Variants in AGBL4 observed in about 807,000 individuals in gnomAD.
AGBL4 encodes cytosolic carboxypeptidase 6.
Under a neutral mutation model 66.4 loss-of-function variants are expected in AGBL4, and 58 were observed. That is an observed-to-expected ratio of 0.87 (90% confidence interval 0.71 to 1.09). The LOEUF is 1.09. Among genes scored for constraint, AGBL4 ranks in the 50% least tolerant of loss-of-function variants. The pLI is 0.00. For synonymous variants in AGBL4, 234 were observed against 222.9 expected (o/e 1.05, Z -0.44); for missense variants, 579 against 631.0 (o/e 0.92, Z 0.88).
intron 3 of AGBL4, among the ~76,000 whole-genome samples, chr1:49,256,681 A>C (rs925671531): frequency 2.6e-5 from 4 of 152,216 alleles, no homozygotes; most frequent in African/African-American, 7.2e-5. Context: ...GAACGTTTAT[A>C]TAGGAGTGCA....
intron 6 of AGBL4, among the ~76,000 whole-genome samples, chr1:48,769,452 G>A (rs182165450): frequency 1.3e-5 from 2 of 149,580 alleles, no homozygotes; most frequent in Non-Finnish European, 3.0e-5. Context: ...GGATAGGGTC[G>A]CAGAGGAACA....
chr1:49,602,494 A>G (rs1644979022), intron 3 of AGBL4, among the ~76,000 whole-genome samples: 1 of 152,192 alleles, frequency 6.6e-6, no homozygotes, highest in Non-Finnish European at 1.5e-5. Context: ...CATATATACC[A>G]TGGAATACTA....
intron 2 of AGBL4, among the ~76,000 whole-genome samples, chr1:49,825,911 C>T (rs965233035): frequency 1.8e-4 from 28 of 151,846 alleles, no homozygotes; most frequent in African/African-American, 6.8e-4. Context: ...CCCTGACAAA[C>T]ATACTAAAGA....
intron 3 of AGBL4, among the ~76,000 whole-genome samples, chr1:49,537,558 C>T (rs1030217512): frequency 1.3e-5 from 2 of 152,286 alleles, no homozygotes; most frequent in South Asian, 4.1e-4. Flanking sequence ...AAATGTTCAA[C>T]ATCACTAATC....
At chr1:49,146,257 T>C (rs975464468) in intron 4 of AGBL4, among the ~76,000 whole-genome samples, 1 of 152,156 alleles carries the variant, frequency 6.6e-6, no homozygotes, top group African/African-American at 2.4e-5. Context: ...AGATTATAAC[T>C]GTATTGTTTG....
intron 3 of AGBL4, among the ~76,000 whole-genome samples, chr1:49,263,621 C>A (rs182504181): frequency 6.6e-6 from 1 of 151,992 alleles, no homozygotes; most frequent in African/African-American, 2.4e-5. Flanking sequence ...AAAAGTAAAT[C>A]TAATATCAAG....
At chr1:49,579,794 C>A (rs1644507016) in intron 3 of AGBL4, among the ~76,000 whole-genome samples, 1 of 152,182 alleles carries the variant, frequency 6.6e-6, no homozygotes, top group Admixed American at 6.5e-5. Flanking sequence ...CCACTGCACC[C>A]AGCCTAGAAT....
rs190834143 is a variant in AGBL4, at chr1:48,904,028, C to A, written c.595-36798G>T. The stretch of plus-strand genomic sequence containing the variant: ...GCATGGTGGCTCACAGCTGCAATCC[C>A]AGCACTTTGGGAGGCTAACGTGGGT... On this transcript the variant is annotated intron_variant, in intron 5 of 13. Transcript: ENST00000371839. Among the ~76,000 whole-genome samples the A allele has an allele frequency of 1.7e-3, 254 of 152,272 alleles. 1 individual carries two copies. Among genetic ancestry groups the A allele is most frequent in the African/African-American group, 5.7e-3 (238 of 41,562 alleles).
intron 3 of AGBL4, among the ~76,000 whole-genome samples, chr1:49,638,284 A>G (rs1206144664): frequency 1.3e-5 from 2 of 152,212 alleles, no homozygotes; most frequent in Non-Finnish European, 2.9e-5. Flanking sequence ...TATATATTTC[A>G]TAATATGTAG....
intron 3 of AGBL4, among the ~76,000 whole-genome samples, chr1:49,635,667 A>G (rs981497968): frequency 1.3e-5 from 2 of 152,184 alleles, no homozygotes; most frequent in Admixed American, 1.3e-4. Context: ...TCATTAGGAA[A>G]ATGCTACATA....
chr1:49,915,521 G>T (rs969510998), intron 1 of AGBL4, among the ~76,000 whole-genome samples: 3 of 152,172 alleles, frequency 2.0e-5, no homozygotes, highest in Non-Finnish European at 4.4e-5. Context: ...CTGCAAGGGG[G>T]CAGTGAGGCT....
chr1:49,843,899 G>A (rs1646068089), intron 2 of AGBL4, among the ~76,000 whole-genome samples: 1 of 152,158 alleles, frequency 6.6e-6, no homozygotes, highest in Non-Finnish European at 1.5e-5. Flanking sequence ...AGATGGCTGG[G>A]TAGCAGGGCA....
intron 5 of AGBL4, among the ~76,000 whole-genome samples, chr1:48,944,933 A>G (rs923272727): frequency 1.3e-5 from 2 of 152,202 alleles, no homozygotes; most frequent in African/African-American, 4.8e-5. Flanking sequence ...AAGAGGGAAG[A>G]TCTCTGATTA....
intron 1 of AGBL4, among the ~76,000 whole-genome samples, chr1:50,013,795 G>C (rs1013723749): frequency 2.0e-5 from 3 of 152,112 alleles, no homozygotes; most frequent in African/African-American, 7.2e-5. Context: ...GACTGGAGAA[G>C]ATCTTTAAAC....
At chr1:49,352,949 C>A (rs1405599347) in intron 3 of AGBL4, among the ~76,000 whole-genome samples, 7 of 152,160 alleles carry the variant, frequency 4.6e-5, no homozygotes, top group Non-Finnish European at 1.0e-4. Context: ...TCTTTAGCAC[C>A]CTATGACTTT....
chr1:48,618,205 AAAACAAAACG>A (rs1294643673), intron 9 of AGBL4, among the ~76,000 whole-genome samples: 3 of 152,232 alleles, frequency 2.0e-5, no homozygotes, highest in African/African-American at 7.2e-5. Flanking sequence ...CTTGTCTCTT[AAAACAAAACG>A]AAACAAAACA....
intron 1 of AGBL4, among the ~76,000 whole-genome samples, chr1:49,918,459 T>A (rs926634405): frequency 6.6e-6 from 1 of 152,066 alleles, no homozygotes; most frequent in Non-Finnish European, 1.5e-5. Flanking sequence ...TATAAACACC[T>A]CTACGCAAAT....
At chr1:49,354,762 T>A (rs1339982253) in intron 3 of AGBL4, among the ~76,000 whole-genome samples, 1 of 152,210 alleles carries the variant, frequency 6.6e-6, no homozygotes, top group Non-Finnish European at 1.5e-5. Context: ...AACATAAGCT[T>A]CTAAATAACG....
chr1:49,555,708 A>C (rs1011034397), intron 3 of AGBL4, among the ~76,000 whole-genome samples: 5 of 151,696 alleles, frequency 3.3e-5, no homozygotes, highest in African/African-American at 1.2e-4. Context: ...CCCATCAAAA[A>C]GTGGGCCAAG....
Sources: gnomAD v4.1 joint callset for allele counts (sites outside exome capture counted in the v4.1 genomes callset) on GRCh38, gnomAD v4.1.1 for gene constraint, MANE v1.5 for transcripts, NCBI Gene and HGNC (gene_info 2026-07-23, HGNC 2026-07-21) for gene names.